DPY19L1: variants seen among roughly 807,000 people sequenced by gnomAD.
DPY19L1 encodes the protein protein C-mannosyl-transferase DPY19L1.
DPY19L1 carries 35 observed loss-of-function variants against 96.9 expected under a neutral mutation model. The observed-to-expected ratio is 0.36, with a 90% CI of 0.28 to 0.48. DPY19L1 has a LOEUF of 0.48. Among genes scored for constraint, DPY19L1 ranks in the 20% least tolerant of loss-of-function variants. The probability of loss-of-function intolerance (pLI) is 0.99; values close to 1 mark genes in which losing one functional copy is unlikely to be tolerated. For missense variants in DPY19L1, 521 were observed against 777.9 expected (o/e 0.67, Z 3.93); for synonymous variants, 205 against 252.6 (o/e 0.81, Z 1.79).
intron 3 of DPY19L1, 51 bp from the exon 4 acceptor site, chr7:35,013,756 T>A: frequency 7.0e-7 from 1 of 1,431,550 alleles, no homozygotes; most frequent in Non-Finnish European, 9.5e-7. Flanking sequence ...ATAATTATGA[T>A]GCCACTTCTA....
At chr7:34,952,252 A>G (rs1193002307) in intron 13 of DPY19L1, among the ~76,000 whole-genome samples, 1 of 152,072 alleles carries the variant, frequency 6.6e-6, no homozygotes, top group Non-Finnish European at 1.5e-5. Context: ...AAAAATTCCA[A>G]TAAGAATTTT....
intron 7 of DPY19L1, among the ~76,000 whole-genome samples, chr7:34,983,602 T>C (rs1051429495): frequency 6.6e-6 from 1 of 150,718 alleles, no homozygotes; most frequent in African/African-American, 2.4e-5. Flanking sequence ...AATAGCAGAC[T>C]GCATGCATCA....
intron 10 of DPY19L1, among the ~76,000 whole-genome samples, chr7:34,962,561 G>A (rs1160113888): frequency 6.6e-6 from 1 of 152,182 alleles, no homozygotes; most frequent in South Asian, 2.1e-4. Context: ...GCCGATTGTG[G>A]TGGCTCACAT....
In DPY19L1 at chr7:35,014,904, G is replaced by T. The variant is rs6975252; in HGVS notation, c.412-1199C>A. Among the ~76,000 whole-genome samples the T allele has an allele frequency of 6.0e-3, 911 of 152,250 alleles. 11 individuals are homozygous for T. Among genetic ancestry groups the T allele is most frequent in the African/African-American group, 0.019 (810 of 41,554 alleles). On this transcript the variant is annotated intron_variant, in intron 3 of 21. Coordinates refer to ENST00000638088, the MANE Select transcript of DPY19L1 (RefSeq NM_001366673.1). ...CAGGGGAAAAGGCCATGTGAAGAGGGGTCAGAGACTGGGGTGAGGCATCAG... is the reference window on the plus strand; with the variant it reads ...CAGGGGAAAAGGCCATGTGAAGAGGTGTCAGAGACTGGGGTGAGGCATCAG...
chr7:34,943,228 A>C (rs1784064608), intron 16 of DPY19L1, among the ~76,000 whole-genome samples: 1 of 152,212 alleles, frequency 6.6e-6, no homozygotes, highest in South Asian at 2.1e-4. Context: ...AAAAAGACTG[A>C]TATATTAGCA....
chr7:35,034,952 A>G (rs1786352677), intron 1 of DPY19L1, among the ~76,000 whole-genome samples: 1 of 152,194 alleles, frequency 6.6e-6, no homozygotes, highest in Non-Finnish European at 1.5e-5. Context: ...AAAACAGGAA[A>G]TAAGGCAGCT....
At chr7:34,958,970 C>T (rs1370318539) in intron 10 of DPY19L1, among the ~76,000 whole-genome samples, 1 of 152,042 alleles carries the variant, frequency 6.6e-6, no homozygotes, top group African/African-American at 2.4e-5. Context: ...TCATATATTA[C>T]AGAACATAGC....
At chr7:34,974,373 TAC>T (rs1458227743) in intron 7 of DPY19L1, among the ~76,000 whole-genome samples, 2 of 152,164 alleles carry the variant, frequency 1.3e-5, no homozygotes, top group African/African-American at 2.4e-5. Context: ...CAAGCACGGG[TAC>T]CTAAAAAGAT....
At chr7:35,018,482 C>T in intron 2 of DPY19L1, 90 bp downstream of exon 2, 1 of 1,198,080 alleles carries the variant, frequency 8.3e-7, no homozygotes, top group South Asian at 1.3e-5. Context: ...ACTGATCATG[C>T]TGAAATTATT....
upstream of DPY19L1, chr7:35,037,993 G>T: frequency 9.7e-7 from 1 of 1,028,166 alleles, no homozygotes; most frequent in Non-Finnish European, 1.2e-6. Flanking sequence ...GCCCGCGCAG[G>T]CGAGACGCGG....
chr7:35,018,178 A>C (rs771764636), intron 2 of DPY19L1, among the ~76,000 whole-genome samples: 1 of 152,226 alleles, frequency 6.6e-6, no homozygotes, highest in Non-Finnish European at 1.5e-5. Flanking sequence ...ATTAGATTTT[A>C]AAATTAAAAT....
At chr7:35,017,459 C>T (rs1785881508) in intron 3 of DPY19L1, among the ~76,000 whole-genome samples, 1 of 133,700 alleles carries the variant, frequency 7.5e-6, no homozygotes, top group Non-Finnish European at 1.5e-5. Flanking sequence ...TGTGCCACTG[C>T]AGTCCGCAGT....
chr7:35,025,799 T>C (rs1365997295), intron 1 of DPY19L1, among the ~76,000 whole-genome samples: 1 of 152,126 alleles, frequency 6.6e-6, no homozygotes, highest in East Asian at 1.9e-4. Context: ...AAAGCCAGAG[T>C]CCCTGGGGCC....
chr7:34,975,439 GA>G (rs1232476785), intron 7 of DPY19L1, among the ~76,000 whole-genome samples: 2 of 152,206 alleles, frequency 1.3e-5, no homozygotes, highest in African/African-American at 4.8e-5. Context: ...AGCTGCAGAA[GA>G]AAAGTTTGAA....
intron 8 of DPY19L1, among the ~76,000 whole-genome samples, chr7:34,971,434 C>G (rs566440624): frequency 6.6e-6 from 1 of 152,108 alleles, no homozygotes; most frequent in African/African-American, 2.4e-5. Flanking sequence ...AGGGGCATAA[C>G]CAGGAAAGCC....
intron 6 of DPY19L1, among the ~76,000 whole-genome samples, chr7:34,998,684 A>G (rs1382878556): frequency 6.6e-6 from 1 of 152,220 alleles, no homozygotes; most frequent in Non-Finnish European, 1.5e-5. Context: ...AGCAGTTTAC[A>G]CCCTCATCAT....
At chr7:34,969,386 A>G (rs1427065532) in intron 9 of DPY19L1, 47 bp downstream of exon 9, 31 of 1,100,764 alleles carry the variant, frequency 2.8e-5, no homozygotes, top group Non-Finnish European at 3.3e-5. Context: ...GAGCTCACAT[A>G]GTCAAACATG....
chr7:35,036,501 A>C (rs578033635), intron 1 of DPY19L1, among the ~76,000 whole-genome samples: 1 of 152,080 alleles, frequency 6.6e-6, no homozygotes, highest in East Asian at 1.9e-4. Flanking sequence ...AAAGGTTCCA[A>C]GGGCAGCAGG....
At chr7:34,992,585 C>T (rs1232349454) in intron 6 of DPY19L1, among the ~76,000 whole-genome samples, 4 of 148,364 alleles carry the variant, frequency 2.7e-5, no homozygotes, top group African/African-American at 5.0e-5. Flanking sequence ...CTCACTCTGT[C>T]ACCCAAGCTA....
Sources: allele counts gnomAD v4.1 joint callset (sites outside exome capture counted in the v4.1 genomes callset), GRCh38; gene constraint gnomAD v4.1.1; transcripts MANE v1.5; gene names NCBI Gene and HGNC (gene_info 2026-07-23, HGNC 2026-07-21).